The following ERCC4 variants were observed in gnomAD, a reference collection of about 807,000 sequenced individuals.
The protein encoded by ERCC4 is DNA repair endonuclease XPF.
A neutral mutation model predicts 76.9 loss-of-function variants in ERCC4; 65 were observed. That is an observed-to-expected ratio of 0.84 (90% CI 0.69 to 1.04). The LOEUF is 1.04. Ranked by LOEUF, ERCC4 falls within the 50% of genes least tolerant of loss-of-function variation. The pLI, the probability that ERCC4 is intolerant of heterozygous loss-of-function variation, is 0.00. For synonymous variants in ERCC4, 463 were observed against 410.1 expected, an observed-to-expected ratio of 1.13 and a Z score of -1.56; for missense variants, 1,214 against 1,128.2, an observed-to-expected ratio of 1.08 and a Z score of -1.09.
intron 4 of ERCC4, among the ~76,000 whole-genome samples, chr16:13,929,694 G>A (rs913259303): frequency 1.2e-4 from 19 of 152,178 alleles, no homozygotes; most frequent in African/African-American, 4.1e-4. Flanking sequence ...GGCCGGGTGC[G>A]GTGGCTCACG....
rs1463170637 is a variant in ERCC4, at chr16:13,935,514, G to T, written c.1582G>T (p.Glu528Ter). 1.9e-6 allele frequency: 3 copies of T among 1,614,214 alleles called. No homozygotes were observed. The highest frequency in any genetic ancestry group is 1.7e-6 in the Non-Finnish European group (2 of 1,180,036). ...CAGTAGCCCAGAAAGCTGCCCGGAA[G>T]AAATTAAGCATGAAGAATTTGATGT... Reference protein sequence around the residue: ...ISSSPESCPEEIKHEEFDVNL... With the variant: ...ISSSPESCPE The change falls in exon 8 of 11, where the codon GAA becomes TAA. Residue 528 changes from glutamate (E) to a stop codon, truncating the protein, a stop_gained. Coordinates refer to ENST00000311895, the MANE Select transcript of ERCC4 (RefSeq NM_005236.3). LOFTEE classifies it high-confidence loss of function.
intron 9 of ERCC4, among the ~76,000 whole-genome samples, chr16:13,941,218 C>T (rs978653986): frequency 6.6e-6 from 1 of 152,132 alleles, no homozygotes; most frequent in African/African-American, 2.4e-5. Context: ...ATTTCTGCAC[C>T]AGGTTTTAAC....
chr16:13,928,268 T>C, intron 4 of ERCC4, 33 bp downstream of exon 4: 2 of 1,407,902 alleles, frequency 1.4e-6, no homozygotes, highest in Non-Finnish European at 1.0e-6. Context: ...CAGTTTATTA[T>C]GTTGTAATTT....
At chr16:13,926,520 C>T (rs756155666) in intron 2 of ERCC4, 41 bp from the exon 3 acceptor site, 1 of 1,539,594 alleles carries the variant, frequency 6.5e-7, no homozygotes, top group East Asian at 2.2e-5. Context: ...ATGGCAATTA[C>T]CTACCTGTTC....
rs3136046 is a variant in ERCC4, at chr16:13,920,653, G to C, written c.207+281G>C. On this transcript the variant is annotated intron_variant, in intron 1 of 10. Transcript: ENST00000311895. ...TGGAGGGGCCCCGAGAAGGCTGCAG[G>C]TCCCTGGCAGGAGTTGAAGAACACT... Among the ~76,000 whole-genome samples the C allele has an allele frequency of 2.1e-4, 32 of 152,242 alleles. No homozygotes were observed. In the East Asian group the frequency reaches 6.0e-3, roughly 29 times the overall value.
chr16:13,948,262 G>T lies in ERCC4; in HGVS notation c.2666G>T (p.Gly889Val). ...CAAGACGAGCTCACGAGTATTCTGG[G>T]GAATGCTGCAAATGCCAAACAGCTT... ...LSQDELTSILGNAANAKQLYD... is the reference protein window; with the variant it reads ...LSQDELTSILVNAANAKQLYD... The change falls in exon 11 of 11, where the codon GGG becomes GTG. Residue 889 changes from glycine to valine, a missense_variant. By Grantham distance (109) the Gly-to-Val change is moderately radical (BLOSUM62 -3). Coordinates refer to ENST00000311895, the MANE Select transcript of ERCC4 (RefSeq NM_005236.3). 7 of 1,614,042 alleles carry T rather than the reference G, an allele frequency of 4.3e-6. No individual in the cohort carries two copies. The highest frequency in any genetic ancestry group is 5.1e-6 in the Non-Finnish European group (6 of 1,180,016).
chr16:13,933,045 C>CAAAAAAAAAA (rs11337706), intron 6 of ERCC4: 43 of 217,400 alleles, frequency 2.0e-4, no homozygotes, highest in Middle Eastern at 1.0e-3. Context: ...GACTCGGTCT[C>CAAAAAAAAAA]AAAAAAAAAA....
At chr16:13,943,117 A>G (rs1282267352) in intron 9 of ERCC4, among the ~76,000 whole-genome samples, 1 of 152,178 alleles carries the variant, frequency 6.6e-6, no homozygotes, top group East Asian at 1.9e-4. Context: ...GTTGTTTCAA[A>G]TAGTATAAAA....
rs139406689 is a variant in ERCC4 at position 13,947,888 on chromosome 16, C to T, written c.2292C>T (p.Ser764=). ...TGCTTCTGATTGAGTTTGACCCTAG[C>T]AAGCCTTTCTCTCTCACTTCCCGAG... ...RPVLLIEFDP[S]KPFSLTSRGA... Residue 764 remains serine (S), a synonymous_variant, in exon 11 of 11, where the codon AGC becomes AGT. Transcript: ENST00000311895. 2.5e-4 allele frequency: 397 copies of T among 1,614,190 alleles called. 1 individual carries two copies. The highest frequency in any genetic ancestry group is 1.3e-3 in the African/African-American group (98 of 75,040).
At chr16:13,935,785 T>G in intron 8 of ERCC4, 42 bp downstream of exon 8, 1 of 1,422,626 alleles carries the variant, frequency 7.0e-7, no homozygotes, top group Non-Finnish European at 9.9e-7. Flanking sequence ...CACAGTTCTT[T>G]AGGATTTAAC....
At chr16:13,941,876 A>C (rs2032419108) in intron 9 of ERCC4, among the ~76,000 whole-genome samples, 1 of 152,216 alleles carries the variant, frequency 6.6e-6, no homozygotes, top group African/African-American at 2.4e-5. Context: ...CTTCTAGTTC[A>C]GTGCTACTTT....
In ERCC4 at chr16:13,935,606, G is replaced by A. The variant is rs978671525; in HGVS notation, c.1674G>A (p.Leu558=). The A allele has an allele frequency of 1.2e-6, 2 of 1,614,012 alleles. No individual in the cohort carries two copies. The highest frequency in any genetic ancestry group is 2.7e-5 in the African/African-American group (2 of 74,912). Residue 558 remains leucine, a synonymous_variant, in exon 8 of 11, where the codon CTG becomes CTA. Transcript: ENST00000311895. ...CCCTCACTATCATCCATCCGCTTCT[G>A]GGTTGCAGCGACCCCTATGCTCTGA... The part of the protein sequence containing the change: ...KEPLTIIHPL[L]GCSDPYALTR...
Position 13,935,626 on chromosome 16 carries a change from C to T in ERCC4, c.1694C>T (p.Ala565Val), listed in dbSNP as rs1455880995. ...HPLLGCSDPY[A>V]LTRVLHEVEP... ...CTTCTGGGTTGCAGCGACCCCTATG[C>T]TCTGACAAGGGTACTACATGAAGTG... Residue 565 changes from alanine (A) to valine (V), a missense_variant, in exon 8 of 11, where the codon GCT (alanine) becomes GTT (valine). By Grantham distance (64) the Ala-to-Val change is moderately conservative. Transcript: ENST00000311895. 3 of 1,614,060 alleles carry T rather than the reference C, an allele frequency of 1.9e-6. No individual in the cohort carries two copies. The highest frequency in any genetic ancestry group is 1.7e-6 in the Non-Finnish European group (2 of 1,179,932).
intron 10 of ERCC4, among the ~76,000 whole-genome samples, chr16:13,946,188 G>A (rs2032509263): frequency 6.6e-6 from 1 of 152,152 alleles, no homozygotes; most frequent in African/African-American, 2.4e-5. Flanking sequence ...GAATCCTTCA[G>A]CCTACCTAGA....
chr16:13,930,708 A>G lies in ERCC4; in HGVS notation c.793-2A>G, dbSNP rs2032155264. The G allele has an allele frequency of 3.7e-6, 6 of 1,611,358 alleles. No individual in the cohort carries two copies. Among genetic ancestry groups the G allele is most frequent in the Non-Finnish European group, 4.2e-6 (5 of 1,177,504 alleles). On this transcript the variant is annotated splice_acceptor_variant, in intron 4 of 10. Transcript: ENST00000311895. LOFTEE classifies it high-confidence loss of function. ...CAATACCAAATTTTATTCTTGTTTT[A>G]GACAATCCGCCATTATCTGGATCCT... is the stretch of plus-strand genomic sequence containing the variant.
At position 13,920,361 on chromosome 16, in the gene ERCC4, C is replaced by T. The variant is rs762691172; in HGVS notation, c.196C>T (p.Pro66Ser). 5 of 1,581,956 alleles carry T rather than the reference C, an allele frequency of 3.2e-6. No homozygotes were observed. The South Asian group carries it at 4.5e-5, about 14-fold the overall frequency. Residue 66 changes from proline (P) to serine (S), a missense_variant, in exon 1 of 11, where the codon CCG becomes TCG. Coordinates refer to ENST00000311895, the MANE Select transcript of ERCC4 (RefSeq NM_005236.3). ...ACLVLVLNTQ[P>S]AEEEYFINQL... is the part of the protein sequence containing the mutation. ...CCTGGTGCTGGTGCTCAACACGCAG[C>T]CGGCCGAGGAGGTGCGGCCGCGCTG...
intron 10 of ERCC4, 42 bp from the exon 11 acceptor site, chr16:13,947,572 G>T (rs984169333): frequency 2.9e-5 from 46 of 1,609,318 alleles, no homozygotes; most frequent in Non-Finnish European, 3.1e-5. Context: ...TTCCTTCTTT[G>T]AGAGTTCTTC....
intron 4 of ERCC4, 177 bp from the exon 5 acceptor site, chr16:13,930,533 C>A: frequency 1.7e-6 from 1 of 582,750 alleles, no homozygotes; most frequent in African/African-American, 1.9e-5. Flanking sequence ...ATGTTCTAGC[C>A]ACTTCCTTGA....
chr16:13,928,012 A>G lies in ERCC4; in HGVS notation c.585-16A>G, dbSNP rs2032102832. ...TGAAACTCTAGAAAATTGTTGAAAA[A>G]TATTTGTCTCTTTAGGTTCCATGTA... is the stretch of plus-strand genomic sequence containing the variant. On this transcript the variant is annotated splice_polypyrimidine_tract_variant and intron_variant, in intron 3 of 10. Coordinates refer to ENST00000311895, the MANE Select transcript of ERCC4 (RefSeq NM_005236.3). 2 of 1,597,810 alleles carry G rather than the reference A, an allele frequency of 1.3e-6. No individual in the cohort carries two copies. Among genetic ancestry groups the G allele is most frequent in the Non-Finnish European group, 8.6e-7 (1 of 1,166,492 alleles).
Sources: gnomAD v4.1 joint callset for allele counts (sites outside exome capture counted in the v4.1 genomes callset) on GRCh38, gnomAD v4.1.1 for gene constraint, MANE v1.5 for transcripts, NCBI Gene and HGNC (gene_info 2026-07-23, HGNC 2026-07-21) for gene names.